CACNA2D2: variants seen among roughly 807,000 people sequenced by gnomAD.
CACNA2D2 encodes calcium voltage-gated channel auxiliary subunit alpha2delta 2, also known as voltage-dependent calcium channel subunit alpha-2/delta-2.
CACNA2D2 carries 48 observed loss-of-function variants against 166.4 expected under a neutral mutation model. That is an observed-to-expected ratio of 0.29 (90% CI 0.23 to 0.37). The LOEUF (loss-of-function observed/expected upper bound fraction) is 0.37, where lower values mean the gene tolerates loss of function less well. CACNA2D2 is among the 10% of genes least tolerant of loss of function. CACNA2D2 has a pLI of 1.00. For synonymous variants in CACNA2D2, 561 were observed against 573.7 expected, an observed-to-expected ratio of 0.98 and a Z score of 0.32; for missense variants, 1,122 against 1,433.0, an observed-to-expected ratio of 0.78 and a Z score of 3.50.
At position 50,378,293 on chromosome 3, in the gene CACNA2D2, G is replaced by A. The variant is rs1235022086; in HGVS notation, c.1380C>T (p.Ile460=). The A allele has an allele frequency of 5.2e-6, 8 of 1,553,196 alleles. No individual in the cohort carries two copies. The highest frequency in any genetic ancestry group is 1.4e-5 in the African/African-American group (1 of 73,252). ...FEIPSIGAIR[I]NTQEYLDVLG... ...CCTCCCCAAGTCTCACCTGTGTGTT[G>A]ATGCGGATGGCTCCGATGGAAGGGA... The change falls in exon 14 of 38, where the codon ATC becomes ATT. Residue 460 remains isoleucine (I), a synonymous_variant. Transcript: ENST00000424201.
intron 22 of CACNA2D2, among the ~76,000 whole-genome samples, chr3:50,373,302 G>GAGCC (rs1304573501): frequency 1.3e-5 from 2 of 151,018 alleles, no homozygotes; most frequent in Non-Finnish European, 3.0e-5. Flanking sequence ...CAAAGGAGAT[G>GAGCC]AGCCCCCAGT....
rs756604620 is a variant in CACNA2D2 at position 50,379,875 on chromosome 3, TCTC to T, written c.894-54_894-52del. 2.5e-6 allele frequency: 4 copies of T among 1,612,644 alleles called. No homozygotes were observed. Among genetic ancestry groups the T allele is most frequent in the Non-Finnish European group, 3.4e-6 (4 of 1,178,918 alleles). ...GAGGAGCCAGGGGAACCTCACGTGT[TCTC>T]CTGCCCATCCCCCAAGATGTTCAGG... On this transcript the variant is annotated intron_variant, in intron 9 of 37. Coordinates refer to ENST00000424201, the MANE Select transcript of CACNA2D2 (RefSeq NM_006030.4). The surrounding 1 kb of genome is among the most constrained non-coding windows in gnomAD (Gnocchi z 6.5).
intron 3 of CACNA2D2, among the ~76,000 whole-genome samples, chr3:50,429,213 G>A (rs1707943675): frequency 6.6e-6 from 1 of 152,132 alleles, no homozygotes; most frequent in Non-Finnish European, 1.5e-5. Flanking sequence ...CTGGGTGACA[G>A]AGCAAGACTC....
At chr3:50,414,702 G>T (rs186020102) in intron 3 of CACNA2D2, among the ~76,000 whole-genome samples, 2 of 152,354 alleles carry the variant, frequency 1.3e-5, no homozygotes, top group East Asian at 3.9e-4. Flanking sequence ...TCTACAAAAC[G>T]CTGGCCCGAT....
intron 1 of CACNA2D2, among the ~76,000 whole-genome samples, chr3:50,494,624 A>C (rs1698652279): frequency 6.6e-6 from 1 of 152,192 alleles, no homozygotes; most frequent in Admixed American, 6.5e-5. Context: ...CGAGTTTGCC[A>C]AAGCAGACCT....
intron 2 of CACNA2D2, among the ~76,000 whole-genome samples, chr3:50,468,002 C>G (rs1230909057): frequency 2.6e-5 from 4 of 152,206 alleles, no homozygotes; most frequent in African/African-American, 9.7e-5. Context: ...TCTCTGCCTC[C>G]GCCAAGTGCT....
At chr3:50,407,913 GC>G (rs1412990375) in intron 3 of CACNA2D2, among the ~76,000 whole-genome samples, 22 of 152,210 alleles carry the variant, frequency 1.4e-4, no homozygotes, top group Admixed American at 1.4e-3. Context: ...GGCAGTGGAG[GC>G]CAGGGGAGCT....
intron 1 of CACNA2D2, among the ~76,000 whole-genome samples, chr3:50,477,974 T>C (rs901932043): frequency 1.3e-5 from 2 of 152,076 alleles, no homozygotes; most frequent in African/African-American, 4.8e-5. Context: ...CCTGGGTCGG[T>C]TGGCATGGGA....
chr3:50,433,600 G>A (rs1206945951), intron 3 of CACNA2D2, among the ~76,000 whole-genome samples: 1 of 152,106 alleles, frequency 6.6e-6, no homozygotes, highest in Non-Finnish European at 1.5e-5. Context: ...GGGGGAGCTT[G>A]GATGCCTCTC....
At chr3:50,494,292 C>G (rs1467321000) in intron 1 of CACNA2D2, among the ~76,000 whole-genome samples, 1 of 152,178 alleles carries the variant, frequency 6.6e-6, no homozygotes, top group Non-Finnish European at 1.5e-5. Context: ...TTTGCTGGAA[C>G]TGGTGGCAGC....
chr3:50,374,839 G>C (rs371625053), intron 21 of CACNA2D2, 26 bp from the exon 22 acceptor site: 9 of 1,557,456 alleles, frequency 5.8e-6, no homozygotes, highest in Non-Finnish European at 8.7e-7. Flanking sequence ...CTCGGGTCAC[G>C]GCTGGGGGGA....
At position 50,434,992 on chromosome 3, in the gene CACNA2D2, G is replaced by A. The variant is rs568450078; in HGVS notation, c.289-563C>T. Reference sequence around the variant, plus strand: ...TAGCAGGAGCTCTGGGCAATCCCACGGGCTCCTCTGTCATTCAGGGCACAG... The same window carrying A: ...TAGCAGGAGCTCTGGGCAATCCCACAGGCTCCTCTGTCATTCAGGGCACAG... On this transcript the variant is annotated intron_variant, in intron 2 of 37. Coordinates refer to ENST00000424201, the MANE Select transcript of CACNA2D2 (RefSeq NM_006030.4). Among the ~76,000 whole-genome samples the A allele has an allele frequency of 3.3e-5, 5 of 152,294 alleles. No individual in the cohort carries two copies. In the South Asian group the frequency reaches 6.2e-4, roughly 19 times the overall value.
At chr3:50,493,586 A>G (rs1381823724) in intron 1 of CACNA2D2, among the ~76,000 whole-genome samples, 1 of 152,132 alleles carries the variant, frequency 6.6e-6, no homozygotes, top group African/African-American at 2.4e-5. Context: ...CGCATCACAC[A>G]CCTGTTGGCT....
rs1704989380 is a variant in CACNA2D2 at position 50,376,314 on chromosome 3, G to C, written c.1627-126C>G. On this transcript the variant is annotated intron_variant, in intron 17 of 37. Coordinates refer to ENST00000424201, the MANE Select transcript of CACNA2D2 (RefSeq NM_006030.4). The surrounding 1 kb of genome is among the most constrained non-coding windows in gnomAD (Gnocchi z 4.3). ...TCTGTTTGCCTGCCTTGGGCTAAGGGCCCCCCCATGCCACGTGGCCCTAAG... is the reference window on the plus strand; with the variant it reads ...TCTGTTTGCCTGCCTTGGGCTAAGGCCCCCCCCATGCCACGTGGCCCTAAG... 2 of 984,076 alleles carry C rather than the reference G, an allele frequency of 2.0e-6. No homozygotes were observed. The highest frequency in any genetic ancestry group is 3.0e-6 in the Non-Finnish European group (2 of 662,140). The allele number at this position is 984,076 out of a possible 1,614,324, so 61.0% of individuals were successfully genotyped here.
At chr3:50,486,873 T>C (rs1354468433) in intron 1 of CACNA2D2, among the ~76,000 whole-genome samples, 1 of 152,216 alleles carries the variant, frequency 6.6e-6, no homozygotes, top group African/African-American at 2.4e-5. Context: ...TGGCCTGCCC[T>C]GACCACCTCA....
chr3:50,368,265 G>A, intron 23 of CACNA2D2, 30 bp from the exon 24 acceptor site: 2 of 1,400,328 alleles, frequency 1.4e-6, no homozygotes. Flanking sequence ...AGAAGAGTGG[G>A]CTTGGGGGGC....
At chr3:50,501,640 C>G (rs1203625354) in intron 1 of CACNA2D2, among the ~76,000 whole-genome samples, 1 of 151,990 alleles carries the variant, frequency 6.6e-6, no homozygotes, top group African/African-American at 2.4e-5. Flanking sequence ...GGAGTGAGGT[C>G]GGGAGAGGTG....
intron 3 of CACNA2D2, among the ~76,000 whole-genome samples, chr3:50,413,572 C>T (rs1707127061): frequency 6.6e-6 from 1 of 152,132 alleles, no homozygotes; most frequent in African/African-American, 2.4e-5. Flanking sequence ...GCTGGCTGAG[C>T]ATGGTGGCTC....
At position 50,365,213 on chromosome 3, in the gene CACNA2D2, TGA is replaced by T. The variant is rs750657801; in HGVS notation, c.3099-31_3099-30del. On this transcript the variant is annotated intron_variant, in intron 35 of 37. Coordinates refer to ENST00000424201, the MANE Select transcript of CACNA2D2 (RefSeq NM_006030.4). The surrounding 1 kb of genome is among the most constrained non-coding windows in gnomAD (Gnocchi z 4.5). ...CGGGCAGCCCGGAAAGGCGGGGCGT[TGA>T]GTTTGCCCCGCCCTGACCCACCCCC... 5.9e-5 allele frequency: 94 copies of T among 1,606,654 alleles called. No individual in the cohort carries two copies. Among genetic ancestry groups the T allele is most frequent in the Admixed American group, 1.0e-4 (6 of 59,706 alleles).
Sources: allele counts gnomAD v4.1 joint callset (sites outside exome capture counted in the v4.1 genomes callset), GRCh38; gene constraint gnomAD v4.1.1; non-coding constraint Gnocchi (gnomAD v3.1); transcripts MANE v1.5; gene names NCBI Gene and HGNC (gene_info 2026-07-23, HGNC 2026-07-21).